APBB1IP: variants seen among roughly 807,000 people sequenced by gnomAD.
APBB1IP encodes the protein amyloid beta A4 precursor protein-binding family B member 1-interacting protein.
In APBB1IP, 27 loss-of-function variants were observed where a neutral mutation model predicts 64.9. The observed-to-expected ratio is 0.42, with a 90% CI of 0.31 to 0.57. The LOEUF (loss-of-function observed/expected upper bound fraction) is 0.57, where lower values mean the gene tolerates loss of function less well. Among genes scored for constraint, APBB1IP ranks in the 20% least tolerant of loss-of-function variants. APBB1IP has a pLI of 0.20. For missense variants in APBB1IP, 812 were observed against 845.5 expected (o/e 0.96, Z 0.49); for synonymous variants, 392 against 331.0 (o/e 1.18, Z -2.00).
chr10:26,510,220 G>C (rs777009565), intron 6 of APBB1IP, among the ~76,000 whole-genome samples: 1 of 152,100 alleles, frequency 6.6e-6, no homozygotes. Context: ...TGTCCACCTC[G>C]GCCTCCCAAA....
chr10:26,495,712 A>G (rs1836012860), intron 3 of APBB1IP, among the ~76,000 whole-genome samples: 1 of 150,852 alleles, frequency 6.6e-6, no homozygotes, highest in African/African-American at 2.4e-5. Flanking sequence ...GTTGTGGCCA[A>G]GTGGATGTAC....
At chr10:26,530,634 G>C (rs1836539545) in intron 8 of APBB1IP, among the ~76,000 whole-genome samples, 1 of 151,538 alleles carries the variant, frequency 6.6e-6, no homozygotes, top group Non-Finnish European at 1.5e-5. Context: ...AGGTTGCAGT[G>C]AGCCGAGATC....
intron 2 of APBB1IP, among the ~76,000 whole-genome samples, chr10:26,459,096 C>A (rs1016663285): frequency 8.5e-6 from 1 of 118,212 alleles, no homozygotes; most frequent in Non-Finnish European, 1.7e-5. Flanking sequence ...CCCCTCCCCC[C>A]ACCCCACAAC....
intron 2 of APBB1IP, among the ~76,000 whole-genome samples, chr10:26,485,542 A>G (rs1171777748): frequency 6.6e-6 from 1 of 152,250 alleles, no homozygotes; most frequent in Non-Finnish European, 1.5e-5. Flanking sequence ...AGATTCTATA[A>G]CGATAACAAA....
At chr10:26,562,499 CT>C in intron 14 of APBB1IP, 70 bp downstream of exon 14, 3 of 1,360,098 alleles carry the variant, frequency 2.2e-6, no homozygotes, top group Non-Finnish European at 3.1e-6. Flanking sequence ...AGTAACTGCT[CT>C]TTTAAAAAGA....
chr10:26,542,613 T>C (rs1017751759), intron 11 of APBB1IP, among the ~76,000 whole-genome samples: 1 of 152,168 alleles, frequency 6.6e-6, no homozygotes, highest in Non-Finnish European at 1.5e-5. Flanking sequence ...TTTAGTCAAA[T>C]GCAATAACCA....
At chr10:26,551,931 A>G (rs202098611) in intron 11 of APBB1IP, among the ~76,000 whole-genome samples, 1,199 of 40,386 alleles carry the variant, frequency 0.03, 18 homozygotes, top group East Asian at 0.2. Context: ...GGGTGGGTGG[A>G]TGGATGGATG....
chr10:26,490,454 G>A (rs1390041334), intron 2 of APBB1IP, among the ~76,000 whole-genome samples: 2 of 151,940 alleles, frequency 1.3e-5, no homozygotes, highest in East Asian at 1.9e-4. Context: ...GCGAAACCCC[G>A]TCTCTACTAA....
At chr10:26,451,351 A>C (rs1396981493) in intron 2 of APBB1IP, among the ~76,000 whole-genome samples, 1 of 152,162 alleles carries the variant, frequency 6.6e-6, no homozygotes, top group African/African-American at 2.4e-5. Context: ...AGCTTCCCGA[A>C]GTACTGAGAT....
chr10:26,547,199 G>T (rs1836776844), intron 11 of APBB1IP, among the ~76,000 whole-genome samples: 3 of 152,132 alleles, frequency 2.0e-5, no homozygotes, highest in African/African-American at 7.2e-5. Context: ...GTCTTCTGTG[G>T]TGAAATATCT....
chr10:26,548,893 T>A (rs1836798729), intron 11 of APBB1IP, among the ~76,000 whole-genome samples: 1 of 152,212 alleles, frequency 6.6e-6, no homozygotes, highest in African/African-American at 2.4e-5. Context: ...ATAGTAGCAG[T>A]GAAAGTGGGC....
chr10:26,543,770 T>C (rs940855043), intron 11 of APBB1IP, among the ~76,000 whole-genome samples: 1 of 152,014 alleles, frequency 6.6e-6, no homozygotes, highest in Non-Finnish European at 1.5e-5. Flanking sequence ...AGAGGCTCTC[T>C]AGGAAGTGAC....
chr10:26,529,921 G>T (rs554788824), intron 8 of APBB1IP, among the ~76,000 whole-genome samples: 7 of 152,254 alleles, frequency 4.6e-5, no homozygotes, highest in African/African-American at 1.7e-4. Context: ...GATTACAGGC[G>T]TGAGCCACCG....
intron 14 of APBB1IP, among the ~76,000 whole-genome samples, chr10:26,566,428 T>A (rs1386990438): frequency 1.3e-5 from 2 of 152,180 alleles, no homozygotes; most frequent in African/African-American, 4.8e-5. Flanking sequence ...CTAATTTTTG[T>A]ATTTTTAAAG....
chr10:26,566,362 C>G, intron 14 of APBB1IP, among the ~76,000 whole-genome samples: 1 of 152,292 alleles, frequency 6.6e-6, no homozygotes, highest in African/African-American at 2.4e-5. Flanking sequence ...TAAAACAATT[C>G]TTATGCCTTA....
chr10:26,470,077 A>G (rs150365881), intron 2 of APBB1IP, among the ~76,000 whole-genome samples: 50 of 152,330 alleles, frequency 3.3e-4, no homozygotes, highest in African/African-American at 1.2e-3. Context: ...TGGATCTAAT[A>G]GTCCCTGACT....
intron 8 of APBB1IP, among the ~76,000 whole-genome samples, chr10:26,531,733 C>T (rs1469536830): frequency 6.6e-6 from 1 of 151,910 alleles, no homozygotes; most frequent in African/African-American, 2.4e-5. Flanking sequence ...TTTTAAACTT[C>T]TACATTTTAT....
intron 2 of APBB1IP, among the ~76,000 whole-genome samples, chr10:26,456,927 C>T (rs972998088): frequency 2.0e-5 from 3 of 152,058 alleles, no homozygotes; most frequent in African/African-American, 4.8e-5. Flanking sequence ...AGTTCAAGGG[C>T]ATTAGAAAGG....
intron 4 of APBB1IP, 34 bp from the exon 5 acceptor site, chr10:26,500,785 G>GT (rs1564361924): frequency 6.3e-7 from 1 of 1,575,450 alleles, no homozygotes; most frequent in Non-Finnish European, 8.6e-7. Context: ...ATGCAAATAG[G>GT]TTTTTATACC....
Sources: allele counts gnomAD v4.1 joint callset (sites outside exome capture counted in the v4.1 genomes callset), GRCh38; gene constraint gnomAD v4.1.1; transcripts MANE v1.5; gene names NCBI Gene and HGNC (gene_info 2026-07-23, HGNC 2026-07-21).